Variants in EYS observed in about 807,000 individuals in gnomAD.
EYS encodes protein eyes shut homolog.
A neutral mutation model predicts 282.1 loss-of-function variants in EYS; 250 were observed. That is an observed-to-expected ratio of 0.89 (90% CI 0.80 to 0.98). The LOEUF (loss-of-function observed/expected upper bound fraction) is 0.98. EYS is among the 50% of genes least tolerant of loss of function. The pLI is 0.00. For missense variants in EYS, 4,016 were observed against 3,709.0 expected (o/e 1.08, Z -2.15); for synonymous variants, 1,355 against 1,282.9 (o/e 1.06, Z -1.20).
intron 36 of EYS, among the ~76,000 whole-genome samples, chr6:63,851,700 G>A (rs986892981): frequency 2.0e-5 from 3 of 152,148 alleles, no homozygotes; most frequent in Non-Finnish European, 4.4e-5. Flanking sequence ...ATAGCATTAA[G>A]TGCCCACATC....
chr6:64,487,636 AT>A (rs1776616262), intron 26 of EYS, among the ~76,000 whole-genome samples: 2 of 151,018 alleles, frequency 1.3e-5, no homozygotes, highest in African/African-American at 4.8e-5. Context: ...CTATAAGGAT[AT>A]ATTAAATGTG....
chr6:64,665,349 AAGGGATTT>A, intron 22 of EYS, among the ~76,000 whole-genome samples: 1 of 152,220 alleles, frequency 6.6e-6, no homozygotes, highest in Non-Finnish European at 1.5e-5. Flanking sequence ...TGCTTTGAGT[AAGGGATTT>A]ATCCAAAATT....
chr6:64,742,162 T>C (rs979490660), intron 22 of EYS, among the ~76,000 whole-genome samples: 3 of 152,218 alleles, frequency 2.0e-5, no homozygotes, highest in South Asian at 4.1e-4. Flanking sequence ...GGGTTATTAA[T>C]TGGCTTAATT....
chr6:65,057,484 T>C (rs1049655935), intron 13 of EYS, 130 bp downstream of exon 13: 18 of 702,790 alleles, frequency 2.6e-5, no homozygotes, highest in Admixed American at 1.0e-4. Flanking sequence ...TTGGTCACTT[T>C]AGAAGCTGAC....
chr6:63,985,167 A>T (rs557963641), intron 34 of EYS, among the ~76,000 whole-genome samples: 1 of 151,828 alleles, frequency 6.6e-6, no homozygotes, highest in East Asian at 1.9e-4. Context: ...TAAGGACAAT[A>T]GTCTTTTTAG....
intron 41 of EYS, chr6:63,741,822 C>G: frequency 1.5e-6 from 1 of 652,480 alleles, no homozygotes. Flanking sequence ...AATCCTTTTT[C>G]CACAGCTCAT....
At chr6:64,787,996 T>A (rs1207346420) in intron 22 of EYS, among the ~76,000 whole-genome samples, 2 of 152,068 alleles carry the variant, frequency 1.3e-5, no homozygotes, top group African/African-American at 4.8e-5. Context: ...CTGAGTATAA[T>A]AATTATATTT....
rs748753540 is a variant in EYS at position 63,721,194 on chromosome 6, C to G, written c.8837G>C (p.Arg2946Thr). The G allele has an allele frequency of 1.9e-6, 3 of 1,551,520 alleles. No individual in the cohort carries two copies. In the South Asian group the frequency reaches 3.6e-5, roughly 18 times the overall value. ...AAATGAAGTTTTGTTTTCACAATAC[C>G]TTCCCACCCAACCCAAAGTACACAG... ...SCLCTLGWVG[R>T]YCENKTSFST... Residue 2946 changes from arginine to threonine, a missense_variant, in exon 43 of 43, where the codon AGG becomes ACG. Arg to Thr is a moderately conservative substitution (Grantham distance 71, BLOSUM62 -1). Coordinates refer to ENST00000503581, the MANE Select transcript of EYS (RefSeq NM_001142800.2).
At chr6:64,108,705 C>T (rs546551298) in intron 31 of EYS, among the ~76,000 whole-genome samples, 1 of 150,466 alleles carries the variant, frequency 6.6e-6, no homozygotes, top group East Asian at 1.9e-4. Context: ...CACAGAGGTT[C>T]TATTCCTGAC....
At chr6:63,995,029 C>T (rs912953091) in intron 34 of EYS, among the ~76,000 whole-genome samples, 3 of 151,762 alleles carry the variant, frequency 2.0e-5, no homozygotes, top group Non-Finnish European at 2.9e-5. Context: ...CAAGTGGGAC[C>T]TATGTCAAAA....
intron 12 of EYS, among the ~76,000 whole-genome samples, chr6:65,195,625 C>T (rs1344802412): frequency 6.6e-6 from 1 of 151,886 alleles, no homozygotes; most frequent in Non-Finnish European, 1.5e-5. Context: ...ATGCATTGAA[C>T]AGAGAGCTAA....
At chr6:64,107,028 A>C (rs1238240146) in intron 31 of EYS, among the ~76,000 whole-genome samples, 1 of 151,054 alleles carries the variant, frequency 6.6e-6, no homozygotes, top group Non-Finnish European at 1.5e-5. Flanking sequence ...TTATTCTTAG[A>C]ATTTTCATCT....
chr6:63,733,126 A>G (rs1425142750), intron 41 of EYS, among the ~76,000 whole-genome samples: 3 of 152,110 alleles, frequency 2.0e-5, no homozygotes, highest in Non-Finnish European at 2.9e-5. Flanking sequence ...GAAGGAGGGC[A>G]GTGTGACTGG....
intron 1 of EYS, among the ~76,000 whole-genome samples, chr6:65,662,608 T>A (rs1409751463): frequency 6.6e-6 from 1 of 152,208 alleles, no homozygotes. Flanking sequence ...CTCCACATCT[T>A]TTGCCCCATC....
At chr6:64,665,939 G>A (rs1218013247) in intron 22 of EYS, among the ~76,000 whole-genome samples, 1 of 152,164 alleles carries the variant, frequency 6.6e-6, no homozygotes, top group Non-Finnish European at 1.5e-5. Flanking sequence ...TGGAGGCCAG[G>A]AACTTGGATG....
intron 26 of EYS, among the ~76,000 whole-genome samples, chr6:64,547,619 G>T (rs915849051): frequency 8.5e-5 from 13 of 152,206 alleles, no homozygotes; most frequent in African/African-American, 1.2e-4. Flanking sequence ...AGACATAAAG[G>T]TTCTCCAAGT....
At chr6:64,530,858 C>G (rs561574134) in intron 26 of EYS, among the ~76,000 whole-genome samples, 2 of 152,002 alleles carry the variant, frequency 1.3e-5, no homozygotes, top group Admixed American at 1.3e-4. Context: ...AAAAGCTAAA[C>G]GTGAGTACAT....
chr6:64,769,438 T>A (rs1773457979), intron 22 of EYS, among the ~76,000 whole-genome samples: 3 of 152,046 alleles, frequency 2.0e-5, no homozygotes, highest in Admixed American at 2.0e-4. Context: ...ATTCTTGTTT[T>A]AAAATTTTAA....
At chr6:65,214,981 C>T (rs1766275052) in intron 12 of EYS, among the ~76,000 whole-genome samples, 1 of 152,066 alleles carries the variant, frequency 6.6e-6, no homozygotes, top group Non-Finnish European at 1.5e-5. Flanking sequence ...AAAAAAGACT[C>T]CTTTCAAAAT....
Sources: allele counts gnomAD v4.1 joint callset (sites outside exome capture counted in the v4.1 genomes callset), GRCh38; gene constraint gnomAD v4.1.1; transcripts MANE v1.5; gene names NCBI Gene and HGNC (gene_info 2026-07-23, HGNC 2026-07-21).